The following BCAT1 variants were observed in gnomAD, a reference collection of about 807,000 sequenced individuals.
The protein encoded by BCAT1 is branched-chain-amino-acid aminotransferase, cytosolic.
A neutral mutation model predicts 52.4 loss-of-function variants in BCAT1; 48 were observed. The observed-to-expected ratio is 0.92, with a 90% CI of 0.73 to 1.16. The LOEUF (loss-of-function observed/expected upper bound fraction) is 1.16, where lower values mean the gene tolerates loss of function less well. Among genes scored for constraint, BCAT1 ranks in the 50% most tolerant of loss-of-function variants. The pLI, the probability that BCAT1 is intolerant of heterozygous loss-of-function variation, is 0.00. For missense variants in BCAT1, 451 were observed against 457.1 expected, an observed-to-expected ratio of 0.99 and a Z score of 0.12; for synonymous variants, 167 against 161.3, an observed-to-expected ratio of 1.04 and a Z score of -0.27.
chr12:24,829,674 T>A lies in BCAT1; in HGVS notation c.1119+149A>T, dbSNP rs986016573. ...ATGCCCACACATTGTGTTGGGAATA[T>A]CTTCCTTAAATTTAACTTATTGATC... On this transcript the variant is annotated intron_variant, in intron 10 of 10. Coordinates refer to ENST00000261192, the MANE Select transcript of BCAT1 (RefSeq NM_005504.7). The A allele has an allele frequency of 1.4e-4, 93 of 668,364 alleles. 1 individual carries two copies. Among genetic ancestry groups the A allele is most frequent in the East Asian group, 5.1e-4 (18 of 35,086 alleles). The allele number at this position is 668,364 out of a possible 1,614,324, so 41.4% of individuals were successfully genotyped here.
chr12:24,875,008 A>G (rs1942288505), intron 5 of BCAT1, among the ~76,000 whole-genome samples: 1 of 149,780 alleles, frequency 6.7e-6, no homozygotes, highest in South Asian at 2.1e-4. Flanking sequence ...GACAGGACCA[A>G]AAAAAAAAAA....
At chr12:24,901,275 C>T (rs2047554) in intron 2 of BCAT1, among the ~76,000 whole-genome samples, 40,179 of 152,104 alleles carry the variant, frequency 0.26, 5,525 homozygotes, top group East Asian at 0.37. Context: ...AAAACCTCCA[C>T]GAGGAGGGAG....
intron 6 of BCAT1, among the ~76,000 whole-genome samples, chr12:24,843,925 A>C (rs1272113718): frequency 1.3e-5 from 2 of 152,072 alleles, no homozygotes; most frequent in African/African-American, 4.8e-5. Context: ...GTATGCTGTA[A>C]AACTGGGGTC....
At chr12:24,871,297 G>A (rs2139562339) in intron 5 of BCAT1, among the ~76,000 whole-genome samples, 1 of 152,304 alleles carries the variant, frequency 6.6e-6, no homozygotes, top group South Asian at 2.1e-4. Flanking sequence ...AGCATTGTGT[G>A]AGGTAGCAGG....
At chr12:24,931,429 C>A (rs1041448591) in intron 1 of BCAT1, among the ~76,000 whole-genome samples, 2 of 151,992 alleles carry the variant, frequency 1.3e-5, no homozygotes, top group Non-Finnish European at 2.9e-5. Context: ...GAGACGAAAT[C>A]ATCAAAGATA....
At chr12:24,911,388 G>T (rs1591868626) in intron 1 of BCAT1, among the ~76,000 whole-genome samples, 1 of 152,120 alleles carries the variant, frequency 6.6e-6, no homozygotes. Flanking sequence ...GGCTACACAG[G>T]CAACCCCCTG....
At chr12:24,837,010 G>A (rs1318590113) in intron 7 of BCAT1, among the ~76,000 whole-genome samples, 4 of 123,922 alleles carry the variant, frequency 3.2e-5, no homozygotes, top group East Asian at 2.5e-4. Flanking sequence ...ACGAAGGAAG[G>A]AAGAAAGAAA....
intron 1 of BCAT1, among the ~76,000 whole-genome samples, chr12:24,935,557 TG>T (rs1362974698): frequency 6.6e-6 from 1 of 152,208 alleles, no homozygotes; most frequent in Non-Finnish European, 1.5e-5. Flanking sequence ...CACACTTTCC[TG>T]ACAATGAATC....
At chr12:24,883,148 T>C (rs1011601384) in intron 3 of BCAT1, among the ~76,000 whole-genome samples, 7 of 152,042 alleles carry the variant, frequency 4.6e-5, no homozygotes, top group Non-Finnish European at 7.4e-5. Context: ...GAGCCAGGCA[T>C]GGTAGCATGT....
intron 3 of BCAT1, among the ~76,000 whole-genome samples, chr12:24,882,497 G>A (rs959279744): frequency 1.1e-4 from 16 of 151,972 alleles, no homozygotes; most frequent in Non-Finnish European, 1.6e-4. Context: ...CTAAAGCTTC[G>A]GTTAAAATAT....
chr12:24,949,118 G>A, upstream of BCAT1: 1 of 600,294 alleles, frequency 1.7e-6, no homozygotes, highest in Middle Eastern at 4.4e-4. Flanking sequence ...GCCCTCTCGC[G>A]GCGGAGACTC....
intron 1 of BCAT1, among the ~76,000 whole-genome samples, chr12:24,942,154 CA>C (rs1943859627): frequency 6.6e-6 from 1 of 152,130 alleles, no homozygotes; most frequent in Non-Finnish European, 1.5e-5. Context: ...GAGCATAAAC[CA>C]GTATGCAGGG....
At chr12:24,912,452 A>G (rs1943342594) in intron 1 of BCAT1, among the ~76,000 whole-genome samples, 2 of 152,132 alleles carry the variant, frequency 1.3e-5, no homozygotes, top group Non-Finnish European at 2.9e-5. Context: ...CCAGGGAGGC[A>G]GAGCTTGCAG....
At chr12:24,924,124 C>T (rs1279974197) in intron 1 of BCAT1, among the ~76,000 whole-genome samples, 4 of 152,098 alleles carry the variant, frequency 2.6e-5, no homozygotes, top group East Asian at 1.9e-4. Context: ...CTGACCCATC[C>T]TCCCTTTTCT....
intron 3 of BCAT1, among the ~76,000 whole-genome samples, chr12:24,892,059 TTTTTGTTTTGTTTTG>T (rs3044287): frequency 2.1e-4 from 30 of 144,560 alleles, no homozygotes; most frequent in South Asian, 4.7e-4. Context: ...GCCTGGCCGT[TTTTTGTTTTGTTTTG>T]TTTTGTTTTG....
chr12:24,929,577 A>G (rs1299523670), intron 1 of BCAT1, among the ~76,000 whole-genome samples: 1 of 152,236 alleles, frequency 6.6e-6, no homozygotes, highest in African/African-American at 2.4e-5. Context: ...TTTTATCACC[A>G]GGGAGAAGAT....
At chr12:24,903,138 G>A (rs1003691172) in intron 1 of BCAT1, 2 of 1,314,864 alleles carry the variant, frequency 1.5e-6, no homozygotes, top group Non-Finnish European at 1.9e-6. Flanking sequence ...AGGGCCAGGC[G>A]CAGGGTACGA....
intron 10 of BCAT1, among the ~76,000 whole-genome samples, chr12:24,824,442 G>A (rs1940297110): frequency 6.6e-6 from 1 of 152,088 alleles, no homozygotes; most frequent in Admixed American, 6.6e-5. Flanking sequence ...GGAACTACAG[G>A]TGTGTGCCAC....
chr12:24,842,150 C>T lies in BCAT1; in HGVS notation c.749G>A (p.Gly250Glu). Reference sequence around the variant, plus strand: ...CACTTCAGTGATCTGATGGTCCTCTCCATAGAGCCACAGGACCTGCTGACA... The same window carrying T: ...CACTTCAGTGATCTGATGGTCCTCTTCATAGAGCCACAGGACCTGCTGACA... ...NGCQQVLWLY[G>E]EDHQITEVGT... Residue 250 changes from glycine (G) to glutamate (E), a missense_variant, in exon 7 of 11, where the codon GGA (glycine) becomes GAA (glutamate). Coordinates refer to ENST00000261192, the MANE Select transcript of BCAT1 (RefSeq NM_005504.7). The T allele has an allele frequency of 6.2e-7, 1 of 1,613,562 alleles. No individual in the cohort carries two copies. The highest frequency in any genetic ancestry group is 8.5e-7 in the Non-Finnish European group (1 of 1,179,522).
Sources: gnomAD v4.1 joint callset for allele counts (sites outside exome capture counted in the v4.1 genomes callset) on GRCh38, gnomAD v4.1.1 for gene constraint, MANE v1.5 for transcripts, NCBI Gene and HGNC (gene_info 2026-07-23, HGNC 2026-07-21) for gene names.